The following ZNF277 variants were observed in gnomAD, a reference collection of about 807,000 sequenced individuals.
ZNF277 encodes the protein zinc finger protein 277.
In ZNF277, 55 loss-of-function variants were observed where a neutral mutation model predicts 60.7. The ratio of observed to expected loss-of-function variants is 0.91; its 90% CI spans 0.73 to 1.13. The LOEUF (loss-of-function observed/expected upper bound fraction) is 1.13, where lower values mean the gene tolerates loss of function less well. Ranked by LOEUF, ZNF277 falls within the 50% of genes most tolerant of loss-of-function variation. The probability of loss-of-function intolerance (pLI) is 0.00; values close to 1 mark genes in which losing one functional copy is unlikely to be tolerated. For missense variants in ZNF277, 510 were observed against 523.0 expected (o/e 0.98, Z 0.24); for synonymous variants, 178 against 179.3 (o/e 0.99, Z 0.06).
intron 1 of ZNF277, among the ~76,000 whole-genome samples, chr7:112,261,009 A>G (rs1791426453): frequency 6.6e-6 from 1 of 152,214 alleles, no homozygotes; most frequent in African/African-American, 2.4e-5. Flanking sequence ...AGAACTCACA[A>G]CAATAGGTTA....
chr7:112,276,346 T>G (rs1393960688), intron 1 of ZNF277, among the ~76,000 whole-genome samples: 1 of 152,214 alleles, frequency 6.6e-6, no homozygotes, highest in Non-Finnish European at 1.5e-5. Context: ...TGTCTCATCT[T>G]TGCTATTGCT....
rs1215750764 is a variant in ZNF277 at position 112,270,417 on chromosome 7, CAGG to C, written c.92-16453_92-16451del. Among the ~76,000 whole-genome samples the C allele has an allele frequency of 2.6e-5, 4 of 152,158 alleles. No homozygotes were observed. The East Asian group carries it at 5.8e-4, about 22-fold the overall frequency. ...GCTATAAGGAAGGACTTAGAATTTTCAGGAGTTGTGTTAAAGATCTGTATGTAT... is the reference window on the plus strand; with the variant it reads ...GCTATAAGGAAGGACTTAGAATTTTCAGTTGTGTTAAAGATCTGTATGTAT... On this transcript the variant is annotated intron_variant, in intron 1 of 11. Coordinates refer to ENST00000361822, the MANE Select transcript of ZNF277 (RefSeq NM_021994.3).
At chr7:112,264,226 T>G (rs1162043582) in intron 1 of ZNF277, among the ~76,000 whole-genome samples, 1 of 151,688 alleles carries the variant, frequency 6.6e-6, no homozygotes, top group African/African-American at 2.4e-5. Context: ...ATACTAATAT[T>G]CAAAACCCGT....
At chr7:112,282,866 C>G (rs909240928) in intron 1 of ZNF277, among the ~76,000 whole-genome samples, 13 of 152,214 alleles carry the variant, frequency 8.5e-5, no homozygotes, top group African/African-American at 2.7e-4. Context: ...CCTCTCACCC[C>G]CTCAGTTCCT....
chr7:112,238,917 C>A (rs999389741), intron 1 of ZNF277, among the ~76,000 whole-genome samples: 2 of 152,026 alleles, frequency 1.3e-5, no homozygotes, highest in Admixed American at 6.6e-5. Flanking sequence ...CCGACCTCAT[C>A]CGGATGACAT....
chr7:112,336,330 A>G (rs1263605416), intron 8 of ZNF277, among the ~76,000 whole-genome samples, 159 bp downstream of exon 8: 1 of 152,206 alleles, frequency 6.6e-6, no homozygotes, highest in African/African-American at 2.4e-5. Flanking sequence ...CTTGAATTCA[A>G]AATAACTTTG....
rs1222447410 is a variant in ZNF277 at position 112,341,023 on chromosome 7, T to C, written c.1161T>C (p.Asp387=). 3.7e-6 allele frequency: 6 copies of C among 1,602,120 alleles called. No individual in the cohort carries two copies. The highest frequency in any genetic ancestry group is 1.3e-5 in the African/African-American group (1 of 74,556). ...EETKHTSLLP[D]RKTWDQLEYY... ...CTAAACACACTTCGCTGCTCCCCGA[T>C]AGAAAGACGTGGGATCAACTGGAGT... Residue 387 remains aspartate, a synonymous_variant, in exon 11 of 12, where the codon GAT becomes GAC. Transcript: ENST00000361822.
chr7:112,300,928 A>G (rs1792457521), intron 4 of ZNF277, among the ~76,000 whole-genome samples: 1 of 152,054 alleles, frequency 6.6e-6, no homozygotes, highest in African/African-American at 2.4e-5. Context: ...TCCCACATCC[A>G]TACTCATACT....
chr7:112,206,880 G>T, intron 1 of ZNF277, 73 bp downstream of exon 1: 1 of 1,486,028 alleles, frequency 6.7e-7, no homozygotes, highest in South Asian at 1.2e-5. Context: ...ACGGACCTCT[G>T]GTCTGACCCT....
At position 112,318,174 on chromosome 7, in the gene ZNF277, C is replaced by A. The variant is rs772521910; in HGVS notation, c.466-8C>A. The A allele has an allele frequency of 1.2e-6, 2 of 1,607,974 alleles. No individual in the cohort carries two copies. The highest frequency in any genetic ancestry group is 4.5e-5 in the East Asian group (2 of 44,816). On this transcript the variant is annotated splice_polypyrimidine_tract_variant and splice_region_variant and intron_variant, in intron 4 of 11. Coordinates refer to ENST00000361822, the MANE Select transcript of ZNF277 (RefSeq NM_021994.3). ...AGATAATACCATAAATCTGTTTCTA[C>A]TTTCCAGAGAGAAATTCTGGAACAA...
chr7:112,326,823 T>C (rs537484522), intron 5 of ZNF277, among the ~76,000 whole-genome samples: 105 of 152,320 alleles, frequency 6.9e-4, no homozygotes, highest in Non-Finnish European at 1.1e-3. Context: ...ATGGTACTTA[T>C]ACTGATGAGG....
intron 1 of ZNF277, among the ~76,000 whole-genome samples, chr7:112,280,553 A>G (rs994370273): frequency 3.3e-5 from 5 of 152,128 alleles, no homozygotes; most frequent in Non-Finnish European, 7.4e-5. Flanking sequence ...GAGAAAGGAT[A>G]GACGTGATTT....
At chr7:112,272,187 T>G (rs1351603876) in intron 1 of ZNF277, among the ~76,000 whole-genome samples, 3 of 152,202 alleles carry the variant, frequency 2.0e-5, no homozygotes, top group South Asian at 2.1e-4. Flanking sequence ...ATGCAAAGTT[T>G]GTCATTTTGT....
At chr7:112,271,864 A>G (rs1029880956) in intron 1 of ZNF277, among the ~76,000 whole-genome samples, 1 of 152,146 alleles carries the variant, frequency 6.6e-6, no homozygotes, top group Non-Finnish European at 1.5e-5. Flanking sequence ...ATTTGGATAC[A>G]CACATACAGT....
At chr7:112,206,905 T>C in intron 1 of ZNF277, 98 bp downstream of exon 1, 2 of 1,227,372 alleles carry the variant, frequency 1.6e-6, no homozygotes, top group Non-Finnish European at 2.2e-6. Context: ...GCCCTTCAGC[T>C]CTGGGGCCAC....
intron 1 of ZNF277, among the ~76,000 whole-genome samples, chr7:112,259,121 T>C (rs1156909735): frequency 6.6e-6 from 1 of 152,176 alleles, no homozygotes; most frequent in Non-Finnish European, 1.5e-5. Context: ...TGCTAATGAA[T>C]TGATTCATTC....
At chr7:112,318,665 A>G (rs1174922543) in intron 5 of ZNF277, among the ~76,000 whole-genome samples, 3 of 152,092 alleles carry the variant, frequency 2.0e-5, no homozygotes, top group African/African-American at 7.2e-5. Flanking sequence ...TGGTGATTCT[A>G]TCACCAACCC....
At position 112,337,755 on chromosome 7, in the gene ZNF277, C is replaced by T. The variant is rs754841572; in HGVS notation, c.895C>T (p.Pro299Ser). 3 of 1,612,006 alleles carry T rather than the reference C, an allele frequency of 1.9e-6. No individual in the cohort carries two copies. The highest frequency in any genetic ancestry group is 2.5e-6 in the Non-Finnish European group (3 of 1,179,364). Residue 299 changes from proline to serine, a missense_variant, in exon 9 of 12, where the codon CCT (proline) becomes TCT (serine). Coordinates refer to ENST00000361822, the MANE Select transcript of ZNF277 (RefSeq NM_021994.3). ...TGACTGGTCTGATTGGGAAGAACAC[C>T]CTGCCTCTGCAGTCTGCTTATTTTG... ...EDDWSDWEEHPASAVCLFCEK... is the reference protein window; with the variant it reads ...EDDWSDWEEHSASAVCLFCEK...
At chr7:112,300,352 C>T (rs1169246730) in intron 4 of ZNF277, among the ~76,000 whole-genome samples, 2 of 152,176 alleles carry the variant, frequency 1.3e-5, no homozygotes, top group Admixed American at 6.5e-5. Flanking sequence ...TCGAGGATTT[C>T]AATAGCTTGA....
Sources: gnomAD v4.1 joint callset for allele counts (sites outside exome capture counted in the v4.1 genomes callset) on GRCh38, gnomAD v4.1.1 for gene constraint, MANE v1.5 for transcripts, NCBI Gene and HGNC (gene_info 2026-07-23, HGNC 2026-07-21) for gene names.